Variants in TRHDE observed in about 807,000 individuals in gnomAD.
TRHDE encodes the protein thyrotropin releasing hormone degrading enzyme, also known as thyrotropin-releasing hormone-degrading ectoenzyme.
In TRHDE, 72 loss-of-function variants were observed where a neutral mutation model predicts 125.7. The ratio of observed to expected loss-of-function variants is 0.57; its 90% confidence interval spans 0.47 to 0.70. The LOEUF is 0.70. Ranked by LOEUF, TRHDE falls within the 30% of genes least tolerant of loss-of-function variation. The pLI, the probability that TRHDE is intolerant of heterozygous loss-of-function variation, is 0.00. For missense variants in TRHDE, 1,110 were observed against 1,327.1 expected (o/e 0.84, Z 2.54); for synonymous variants, 509 against 509.1 (o/e 1.00, Z 0.00).
intron 2 of TRHDE, among the ~76,000 whole-genome samples, chr12:72,200,142 A>G (rs1021574123): frequency 6.6e-6 from 1 of 152,130 alleles, no homozygotes; most frequent in Admixed American, 6.5e-5. Flanking sequence ...ATGGATGGAG[A>G]TTTATTTCCA....
intron 2 of TRHDE, among the ~76,000 whole-genome samples, chr12:72,201,223 A>C (rs1451503838): frequency 1.3e-5 from 2 of 152,206 alleles, no homozygotes; most frequent in Non-Finnish European, 2.9e-5. Flanking sequence ...AGTGAAATAA[A>C]AATAATTAAA....
At chr12:72,436,623 A>G (rs1874758392) in intron 3 of TRHDE, among the ~76,000 whole-genome samples, 1 of 151,898 alleles carries the variant, frequency 6.6e-6, no homozygotes, top group Non-Finnish European at 1.5e-5. Flanking sequence ...AATAAATACT[A>G]ATGCTTCCTT....
intron 9 of TRHDE, among the ~76,000 whole-genome samples, chr12:72,566,232 T>C (rs1870434773): frequency 1.3e-5 from 2 of 152,032 alleles, no homozygotes; most frequent in South Asian, 4.1e-4. Context: ...AATTTGTCTT[T>C]GTTACTATAT....
At chr12:72,590,596 C>T (rs1565801914) in intron 12 of TRHDE, among the ~76,000 whole-genome samples, 2 of 152,150 alleles carry the variant, frequency 1.3e-5, no homozygotes, top group East Asian at 1.9e-4. Context: ...CCTGGTGATA[C>T]ATTTTATTGT....
intron 7 of TRHDE, among the ~76,000 whole-genome samples, chr12:72,556,237 T>C (rs576230758): frequency 6.6e-6 from 1 of 152,342 alleles, no homozygotes; most frequent in South Asian, 2.1e-4. Context: ...TGTAGAAGTG[T>C]CTTCCTTCAT....
At chr12:72,195,014 G>A (rs946024546) in intron 2 of TRHDE, among the ~76,000 whole-genome samples, 1 of 152,062 alleles carries the variant, frequency 6.6e-6, no homozygotes, top group Non-Finnish European at 1.5e-5. Context: ...GTGGCCTCAG[G>A]AAACTTACAA....
intron 2 of TRHDE, among the ~76,000 whole-genome samples, chr12:72,185,677 A>C (rs144537317): frequency 0.012 from 1,695 of 145,482 alleles, 36 homozygotes; most frequent in Middle Eastern, 0.072. Flanking sequence ...GGGATTGTAA[A>C]TACACCAATC....
chr12:72,621,018 GA>G, intron 13 of TRHDE, 89 bp from the exon 14 acceptor site: 1 of 611,478 alleles, frequency 1.6e-6, no homozygotes, highest in Non-Finnish European at 2.9e-6. Flanking sequence ...TACATTTTAA[GA>G]ATATTTTAAT....
chr12:72,374,292 A>AGTGTGTGTGTGTGT (rs148577049), intron 2 of TRHDE, among the ~76,000 whole-genome samples: 1 of 134,100 alleles, frequency 7.5e-6, no homozygotes, highest in East Asian at 2.2e-4. Context: ...TAGAAGGAGA[A>AGTGTGTGTGTGTGT]GTGTGTGTGT....
At chr12:72,543,419 A>AT (rs1869253072) in intron 7 of TRHDE, among the ~76,000 whole-genome samples, 1 of 151,472 alleles carries the variant, frequency 6.6e-6, no homozygotes, top group South Asian at 2.1e-4. Context: ...AGCTCTTTCC[A>AT]TTAGGGACAC....
intron 7 of TRHDE, among the ~76,000 whole-genome samples, chr12:72,552,341 A>T (rs1869718005): frequency 1.3e-5 from 2 of 152,160 alleles, no homozygotes; most frequent in Non-Finnish European, 2.9e-5. Context: ...AATGTTTTTT[A>T]ATGGTCGAAT....
intron 2 of TRHDE, among the ~76,000 whole-genome samples, chr12:72,248,392 T>C (rs1161187270): frequency 8.8e-6 from 1 of 113,596 alleles, no homozygotes; most frequent in Non-Finnish European, 1.7e-5. Flanking sequence ...CACTCCAGCC[T>C]GGGCAACAAA....
At chr12:72,381,208 G>T (rs11179180) in intron 3 of TRHDE, among the ~76,000 whole-genome samples, 3 of 152,022 alleles carry the variant, frequency 2.0e-5, no homozygotes, top group African/African-American at 7.2e-5. Context: ...GAGTTATTTA[G>T]CCCAAACTAT....
At chr12:72,107,575 G>T (rs1875216889) in intron 2 of TRHDE, among the ~76,000 whole-genome samples, 1 of 152,010 alleles carries the variant, frequency 6.6e-6, no homozygotes, top group African/African-American at 2.4e-5. Context: ...CAACAGATTG[G>T]ACTGTTCTCT....
intron 12 of TRHDE, among the ~76,000 whole-genome samples, chr12:72,583,923 CTTTTTTT>C (rs1190363456): frequency 0.093 from 5,600 of 60,432 alleles, 352 homozygotes; most frequent in Middle Eastern, 0.28. Context: ...GGATGACAAA[CTTTTTTT>C]TTTTTTTTTT....
intron 2 of TRHDE, among the ~76,000 whole-genome samples, chr12:72,291,930 G>A (rs1429591266): frequency 6.6e-6 from 1 of 152,148 alleles, no homozygotes; most frequent in Non-Finnish European, 1.5e-5. Flanking sequence ...AAATGTTGGG[G>A]CTACAAAGAC....
At chr12:72,416,327 T>C (rs530640209) in intron 3 of TRHDE, among the ~76,000 whole-genome samples, 105 of 152,278 alleles carry the variant, frequency 6.9e-4, no homozygotes, top group African/African-American at 2.2e-3. Flanking sequence ...TTGCAAATAT[T>C]TTCTCCCATT....
intron 12 of TRHDE, among the ~76,000 whole-genome samples, chr12:72,611,756 ACTT>A (rs1336082461): frequency 3.3e-5 from 5 of 152,284 alleles, no homozygotes; most frequent in African/African-American, 7.2e-5. Flanking sequence ...TTTCACTTTA[ACTT>A]CTTATGATGG....
At chr12:72,463,511 AG>A (rs370701247) in intron 3 of TRHDE, among the ~76,000 whole-genome samples, 45 of 152,324 alleles carry the variant, frequency 3.0e-4, no homozygotes, top group African/African-American at 1.1e-3. Context: ...GAGAGAAAGT[AG>A]GACAATTGAT....
Sources: allele counts gnomAD v4.1 joint callset (sites outside exome capture counted in the v4.1 genomes callset), GRCh38; gene constraint gnomAD v4.1.1; transcripts MANE v1.5; gene names NCBI Gene and HGNC (gene_info 2026-07-23, HGNC 2026-07-21).